The following TMEM181 variants were observed in gnomAD, a reference collection of about 807,000 sequenced individuals.
TMEM181 encodes G protein-coupled receptor 178.
TMEM181 carries 39 observed loss-of-function variants against 71.9 expected under a neutral mutation model. That is an observed-to-expected ratio of 0.54 (90% confidence interval 0.42 to 0.71). The LOEUF (loss-of-function observed/expected upper bound fraction) is 0.71. Ranked by LOEUF, TMEM181 falls within the 30% of genes least tolerant of loss-of-function variation. The pLI is 0.00. For missense variants in TMEM181, 595 were observed against 583.0 expected, an observed-to-expected ratio of 1.02 and a Z score of -0.21; for synonymous variants, 245 against 228.8, an observed-to-expected ratio of 1.07 and a Z score of -0.64.
At chr6:158,598,904 G>A (rs917464766) in intron 6 of TMEM181, among the ~76,000 whole-genome samples, 1 of 152,102 alleles carries the variant, frequency 6.6e-6, no homozygotes, top group South Asian at 2.1e-4. Context: ...CTCGTGATCC[G>A]CCTGCCTCGG....
chr6:158,605,125 AAAAAAAGTGTGTGT>A, intron 6 of TMEM181, 128 bp from the exon 7 acceptor site: 1 of 494,514 alleles, frequency 2.0e-6, no homozygotes, highest in Non-Finnish European at 3.2e-6. Flanking sequence ...AAAAAAAAAA[AAAAAAAGTGTGTGT>A]GTGTGTGTGT....
chr6:158,585,443 G>T lies in TMEM181; in HGVS notation c.381+18G>T. ...GTGCAGGGGTGAGTGTGTGGGGTGA[G>T]CCCCACAGTCAGTCCTCAGGCTGTG... On this transcript the variant is annotated intron_variant, in intron 5 of 16. Coordinates refer to ENST00000684151, the MANE Select transcript of TMEM181 (RefSeq NM_001376852.1). 1 of 1,561,436 alleles carries T rather than the reference G, an allele frequency of 6.4e-7. No homozygotes were observed. The highest frequency in any genetic ancestry group is 8.6e-7 in the Non-Finnish European group (1 of 1,157,434).
intron 6 of TMEM181, among the ~76,000 whole-genome samples, chr6:158,603,602 T>C (rs1368321840): frequency 1.3e-5 from 2 of 151,716 alleles, no homozygotes; most frequent in African/African-American, 4.8e-5. Flanking sequence ...TTTTTTTTTT[T>C]TTTTTAGTTT....
At chr6:158,585,157 A>C in intron 4 of TMEM181, 147 bp from the exon 5 acceptor site, 5 of 766,584 alleles carry the variant, frequency 6.5e-6, no homozygotes, top group East Asian at 3.0e-5. Context: ...TGGGCAATTA[A>C]GAGATTTTCA....
intron 4 of TMEM181, 48 bp from the exon 5 acceptor site, chr6:158,585,256 G>C (rs768942588): frequency 6.5e-6 from 10 of 1,528,414 alleles, no homozygotes; most frequent in Non-Finnish European, 7.9e-6. Flanking sequence ...CTTTGTAGGT[G>C]TGATGTGCCT....
Position 158,560,396 on chromosome 6 carries a change from G to A in TMEM181, c.8+164G>A, listed in dbSNP as rs564629910. Among the ~76,000 whole-genome samples, 207 of 152,200 alleles carry A rather than the reference G, an allele frequency of 1.4e-3. 1 individual carries two copies. In the Middle Eastern group the frequency reaches 0.017, roughly 13 times the overall value. On this transcript the variant is annotated intron_variant, in intron 1 of 16. Transcript: ENST00000684151. ...AGGGGGCTTCGCGGGCGGGTCAGGC[G>A]GAGGTGTTTGCGCGGGGCGAGAGTA...
At chr6:158,580,849 T>A in intron 2 of TMEM181, 91 bp from the exon 3 acceptor site, 1 of 1,170,122 alleles carries the variant, frequency 8.5e-7, no homozygotes, top group Non-Finnish European at 1.2e-6. Context: ...CATCTCCGTG[T>A]AATGTGTGAG....
At chr6:158,589,921 A>T in intron 6 of TMEM181, 139 bp downstream of exon 6, 1 of 646,460 alleles carries the variant, frequency 1.5e-6, no homozygotes, top group Non-Finnish European at 2.7e-6. Flanking sequence ...TAAAAATTAT[A>T]GGAAAACTAC....
At chr6:158,605,218 A>C in intron 6 of TMEM181, 49 bp from the exon 7 acceptor site, 1 of 1,410,542 alleles carries the variant, frequency 7.1e-7, no homozygotes, top group Non-Finnish European at 1.0e-6. Context: ...ATTTTCTCTT[A>C]GATGCATATA....
At chr6:158,565,777 A>G (rs201965359) in intron 1 of TMEM181, among the ~76,000 whole-genome samples, 2 of 151,510 alleles carry the variant, frequency 1.3e-5, no homozygotes, top group East Asian at 3.9e-4. Context: ...AGCCCCTGCA[A>G]TGAAATCCTG....
intron 1 of TMEM181, among the ~76,000 whole-genome samples, chr6:158,571,599 T>C (rs182274249): frequency 1.5e-3 from 231 of 152,316 alleles, no homozygotes; most frequent in African/African-American, 5.0e-3. Context: ...CGCCCGGCCA[T>C]CTGCAGTGTT....
At chr6:158,612,339 G>A (rs969662305) in intron 10 of TMEM181, among the ~76,000 whole-genome samples, 3 of 152,214 alleles carry the variant, frequency 2.0e-5, no homozygotes, top group Admixed American at 6.5e-5. Context: ...CAGGGGCGAC[G>A]TGTTCTTTCT....
At chr6:158,551,722 A>G (rs1781729837) in intron 1 of TMEM181, among the ~76,000 whole-genome samples, 1 of 152,172 alleles carries the variant, frequency 6.6e-6, no homozygotes, top group African/African-American at 2.4e-5. Context: ...GATTTAACAT[A>G]ACACGTAAAA....
In TMEM181 at chr6:158,607,170, C is replaced by CGGCAAGGTGTGAGCAAAGGCTGCA. The variant is rs1259826551; in HGVS notation, c.574-53_574-30dup. 1,251 of 1,238,296 alleles carry CGGCAAGGTGTGAGCAAAGGCTGCA rather than the reference C, an allele frequency of 1.0e-3. 4 individuals carry two copies. The highest frequency in any genetic ancestry group is 1.1e-3 in the Admixed American group (64 of 58,258). The allele number at this position is 1,238,296 out of a possible 1,614,324, so 76.7% of individuals were successfully genotyped here. On this transcript the variant is annotated intron_variant, in intron 7 of 16. Transcript: ENST00000684151. ...GATTAGAGAAGACAACCTGGTATGC[C>CGGCAAGGTGTGAGCAAAGGCTGCA]GGCAAGGTGTGAGCAAAGGCTGCAG... is the stretch of plus-strand genomic sequence containing the variant.
At chr6:158,605,451 C>A in intron 7 of TMEM181, 104 bp downstream of exon 7, 2 of 1,026,300 alleles carry the variant, frequency 1.9e-6, no homozygotes, top group South Asian at 1.3e-5. Context: ...TTGATCTGAA[C>A]TCAGATGCTC....
rs527942278 is a variant in TMEM181, at chr6:158,590,405, A to C, written c.492+623A>C. The stretch of plus-strand genomic sequence containing the variant: ...AAAAAAACAGCTTTATCAAAGTAGA[A>C]AGTTTGCTTGCCCTTTTAATGAAAG... On this transcript the variant is annotated intron_variant, in intron 6 of 16. Transcript: ENST00000684151. Among the ~76,000 whole-genome samples, 36 of 152,066 alleles carry C rather than the reference A, an allele frequency of 2.4e-4. No homozygotes were observed. The South Asian group carries it at 7.5e-3, about 32-fold the overall frequency.
rs777033135 is a variant in TMEM181, at chr6:158,631,816, CTA to C, written c.1358_1359del (p.Tyr453Ter). ...AAGGTCTCTTTGCTCACAGGAGTGA[CTA>C]TGAGGAAATGCCGCTGCAGAACGGC... ...SDDDVIYGSD[Y>X]EEMPLQNGQA... is the part of the protein sequence containing the mutation. On this transcript the variant is annotated frameshift_variant, in exon 17 of 17. Coordinates refer to ENST00000684151, the MANE Select transcript of TMEM181 (RefSeq NM_001376852.1). LOFTEE classifies it high-confidence loss of function. 42 of 1,598,346 alleles carry C rather than the reference CTA, an allele frequency of 2.6e-5. No homozygotes were observed. The highest frequency in any genetic ancestry group is 2.7e-5 in the African/African-American group (2 of 74,654).
intron 10 of TMEM181, among the ~76,000 whole-genome samples, chr6:158,609,186 T>C (rs545337803): frequency 2.4e-3 from 365 of 152,264 alleles, no homozygotes; most frequent in Non-Finnish European, 4.0e-3. Context: ...TTTATCTAAC[T>C]TGGTGACACA....
At chr6:158,618,235 G>C (rs187164601) in intron 10 of TMEM181, among the ~76,000 whole-genome samples, 515 of 152,266 alleles carry the variant, frequency 3.4e-3, no homozygotes, top group African/African-American at 0.012. Context: ...TTATGTAATG[G>C]CCTTCTTTGT....
Sources: gnomAD v4.1 joint callset for allele counts (sites outside exome capture counted in the v4.1 genomes callset) on GRCh38, gnomAD v4.1.1 for gene constraint, MANE v1.5 for transcripts, NCBI Gene and HGNC (gene_info 2026-07-23, HGNC 2026-07-21) for gene names.